The following TAF5L variants were observed in gnomAD, a reference collection of about 807,000 sequenced individuals.
The protein encoded by TAF5L is TATA-box binding protein associated factor 5 like.
Under a neutral mutation model 51.3 loss-of-function variants are expected in TAF5L, and 7 were observed. The observed-to-expected ratio is 0.14, with a 90% confidence interval of 0.08 to 0.26. TAF5L has a LOEUF of 0.26. Ranked by LOEUF, TAF5L falls within the 10% of genes least tolerant of loss-of-function variation. The pLI, the probability that TAF5L is intolerant of heterozygous loss-of-function variation, is 1.00. For missense variants in TAF5L, 575 were observed against 758.9 expected (o/e 0.76, Z 2.85); for synonymous variants, 291 against 308.1 (o/e 0.94, Z 0.58).
At chr1:229,599,409 A>C in intron 4 of TAF5L, 1 of 182,114 alleles carries the variant, frequency 5.5e-6, no homozygotes, top group Non-Finnish European at 1.0e-5. Flanking sequence ...TCATTACCTC[A>C]CAAAGAAATG....
At chr1:229,614,554 C>T in intron 1 of TAF5L, 69 bp from the exon 2 acceptor site, 1 of 1,579,720 alleles carries the variant, frequency 6.3e-7, no homozygotes, top group Non-Finnish European at 8.6e-7. Flanking sequence ...CTAACTGCAC[C>T]ATCGCAGATG....
intron 4 of TAF5L, among the ~76,000 whole-genome samples, chr1:229,597,640 C>T (rs990717661): frequency 2.0e-5 from 3 of 152,168 alleles, no homozygotes; most frequent in South Asian, 2.1e-4. Flanking sequence ...CCATACCCTA[C>T]GATTCAGCCT....
At chr1:229,612,666 T>C (rs990232934) in intron 2 of TAF5L, among the ~76,000 whole-genome samples, 1 of 152,154 alleles carries the variant, frequency 6.6e-6, no homozygotes, top group African/African-American at 2.4e-5. Context: ...AACCACTCCT[T>C]TGAGAGCATC....
At position 229,602,185 on chromosome 1, in the gene TAF5L, G is replaced by A. The variant is rs1664400985; in HGVS notation, c.972+10C>T. 1.2e-6 allele frequency: 2 copies of A among 1,606,092 alleles called. No individual in the cohort carries two copies. Among genetic ancestry groups the A allele is most frequent in the African/African-American group, 2.7e-5 (2 of 74,532 alleles). On this transcript the variant is annotated intron_variant, in intron 4 of 4. Transcript: ENST00000258281. This position sits in a 1 kb window ranked among gnomAD's most constrained non-coding sequence, Gnocchi z 4.6. ...GGCGGGTGCAGGGAAGAAAAAAATG[G>A]TATTCATACCTCCTCCTCCAGAATA...
chr1:229,607,086 T>C (rs890647908), intron 3 of TAF5L: 1 of 985,454 alleles, frequency 1.0e-6, no homozygotes, highest in Non-Finnish European at 1.2e-6. Context: ...AGGATGCCAC[T>C]GTCATGACAA....
At chr1:229,612,302 C>T (rs572481001) in intron 2 of TAF5L, among the ~76,000 whole-genome samples, 18 of 152,326 alleles carry the variant, frequency 1.2e-4, no homozygotes, top group Non-Finnish European at 2.2e-4. Context: ...ACAACTTAGA[C>T]GAGCAAAGTT....
Position 229,599,948 on chromosome 1 carries a change from T to C in TAF5L, c.972+2247A>G, listed in dbSNP as rs1044099393. ...ACTTACATAGTGATTTTGTACTTTC[T>C]ATCATCTCATTAATCCATGTGGCTT... On this transcript the variant is annotated intron_variant, in intron 4 of 4. Coordinates refer to ENST00000258281, the Ensembl canonical transcript of TAF5L. The C allele has an allele frequency of 2.5e-5, 25 of 985,380 alleles. No individual in the cohort carries two copies. The African/African-American group carries it at 4.2e-4, about 17-fold the overall frequency. 61.0% of individuals were successfully genotyped at this position (985,380 alleles called of 1,614,324 possible). A position where few individuals can be genotyped will look rare whatever the true frequency, so the allele number is the denominator to read the frequency against.
intron 1 of TAF5L, among the ~76,000 whole-genome samples, chr1:229,623,550 T>C (rs1297802232): frequency 1.3e-5 from 2 of 152,156 alleles, no homozygotes; most frequent in African/African-American, 2.4e-5. Flanking sequence ...AGCCATGTCT[T>C]CCTCCCAAAA....
chr1:229,597,804 T>A (rs1021122771), intron 4 of TAF5L, among the ~76,000 whole-genome samples: 2 of 152,194 alleles, frequency 1.3e-5, no homozygotes, highest in African/African-American at 4.8e-5. Context: ...TCAAGTATCA[T>A]CTCATGCACC....
intron 3 of TAF5L, 99 bp downstream of exon 3, chr1:229,610,007 T>G (rs1664730970): frequency 3.2e-6 from 3 of 939,372 alleles, no homozygotes; most frequent in Non-Finnish European, 4.9e-6. Context: ...TTTTTACCGC[T>G]CCTTGTGGAG....
intron 2 of TAF5L, among the ~76,000 whole-genome samples, chr1:229,611,652 C>T (rs1664796369): frequency 6.6e-6 from 1 of 152,038 alleles, no homozygotes; most frequent in Non-Finnish European, 1.5e-5. Context: ...AAAATATATC[C>T]TCTCCTCTCC....
chr1:229,612,651 T>G (rs968643761), intron 2 of TAF5L, among the ~76,000 whole-genome samples: 5 of 152,148 alleles, frequency 3.3e-5, no homozygotes, highest in Non-Finnish European at 7.4e-5. Flanking sequence ...TCAGAGGAAG[T>G]CAGGAACCAC....
rs140662809 is a variant in TAF5L, at chr1:229,608,479, G to C, written c.247+1627C>G. On this transcript the variant is annotated intron_variant, in intron 3 of 4. Transcript: ENST00000258281. The stretch of plus-strand genomic sequence containing the variant: ...CAGTGCAGTGATCAATTTCCACTAA[G>C]GATAAAAAAAGAAAAACCGAATTTA... 3.3e-3 allele frequency among the ~76,000 whole-genome samples: 498 copies of C among 152,070 alleles called. 2 individuals are homozygous for C. The highest frequency in any genetic ancestry group is 4.2e-3 in the Non-Finnish European group (283 of 67,980).
chr1:229,610,332 A>AT, intron 2 of TAF5L, 122 bp from the exon 3 acceptor site: 2 of 839,194 alleles, frequency 2.4e-6, no homozygotes, highest in Non-Finnish European at 3.8e-6. Context: ...ACATTTCAGC[A>AT]GGTTTCCAAA....
chr1:229,607,100 A>C (rs2102752661), intron 3 of TAF5L: 2 of 985,452 alleles, frequency 2.0e-6, no homozygotes, highest in African/African-American at 3.5e-5. Context: ...ATGACAATTT[A>C]ACAAACATAA....
chr1:229,613,568 T>C lies in TAF5L; in HGVS notation c.142+773A>G, dbSNP rs116403174. Among the ~76,000 whole-genome samples, 1,060 of 152,314 alleles carry C rather than the reference T, an allele frequency of 7.0e-3. 16 individuals are homozygous for C. Among genetic ancestry groups the C allele is most frequent in the African/African-American group, 0.024 (991 of 41,558 alleles). On this transcript the variant is annotated intron_variant, in intron 2 of 4. Transcript: ENST00000258281. ...GGTGCTGAATACTATGATGAATCCA[T>C]GTGAATGAGGTGATATGTAGGCTGT...
rs1342225394 is a variant in TAF5L at position 229,625,520 on chromosome 1, T to A, written c.-4+365A>T. ...TGTGGAGCCGTGCTCCCTGCTTGGC[T>A]GTCGGGCACTGGGATACCTTCCCCG... is the stretch of plus-strand genomic sequence containing the variant. On this transcript the variant is annotated intron_variant, in intron 1 of 4. Transcript: ENST00000258281. This position sits in a 1 kb window ranked among gnomAD's most constrained non-coding sequence, Gnocchi z 4.0. 1.3e-5 allele frequency among the ~76,000 whole-genome samples: 2 copies of A among 152,116 alleles called. No homozygotes were observed.
chr1:229,601,284 G>A (rs181605192), intron 4 of TAF5L: 2 of 985,356 alleles, frequency 2.0e-6, no homozygotes, highest in Admixed American at 1.2e-4. Flanking sequence ...TTTAATTAGA[G>A]TGATTTTTTT....
chr1:229,601,051 T>C (rs1221446798), intron 4 of TAF5L: 1 of 982,570 alleles, frequency 1.0e-6, no homozygotes, highest in Non-Finnish European at 1.2e-6. Flanking sequence ...TAATAAAAAA[T>C]ATTTTGGAGA....
Sources: gnomAD v4.1 joint callset for allele counts (sites outside exome capture counted in the v4.1 genomes callset) on GRCh38, gnomAD v4.1.1 for gene constraint, Gnocchi (gnomAD v3.1) non-coding constraint, MANE v1.5 for transcripts, NCBI Gene and HGNC (gene_info 2026-07-23, HGNC 2026-07-21) for gene names.